SLC60A2: variants seen among roughly 807,000 people sequenced by gnomAD.
SLC60A2 encodes the protein major facilitator superfamily domain containing 4B.
the SLC60A2 span, among the ~76,000 whole-genome samples, chr6:111,272,564 T>C: frequency 2.0e-5 from 3 of 150,422 alleles, no homozygotes; most frequent in South Asian, 6.3e-4. Flanking sequence ...CAGGCTGCAG[T>C]GTAATGGCAC....
the SLC60A2 span, among the ~76,000 whole-genome samples, chr6:111,264,546 T>C: frequency 6.6e-6 from 1 of 152,144 alleles, no homozygotes; most frequent in East Asian, 1.9e-4. Context: ...TCCAGCACTT[T>C]GGGAGGCCGA....
At chr6:111,260,644 G>A in the SLC60A2 span, among the ~76,000 whole-genome samples, 3 of 152,302 alleles carry the variant, frequency 2.0e-5, no homozygotes, top group African/African-American at 7.2e-5. Flanking sequence ...TCCTGGGGGA[G>A]TTGAGAGGAT....
At chr6:111,262,203 T>C in the SLC60A2 span, 2 of 1,462,806 alleles carry the variant, frequency 1.4e-6, no homozygotes, top group Non-Finnish European at 1.9e-6. Context: ...TACCACATAG[T>C]TAGACATTAT....
chr6:111,266,383 T>C, the SLC60A2 span: 1 of 1,614,196 alleles, frequency 6.2e-7, no homozygotes, highest in South Asian at 1.1e-5. Flanking sequence ...AACTCCATCT[T>C]CTGGGGGACA....
the SLC60A2 span, among the ~76,000 whole-genome samples, chr6:111,263,315 C>T: frequency 3.9e-5 from 6 of 152,070 alleles, no homozygotes; most frequent in Non-Finnish European, 8.8e-5. Context: ...GTTTTGGAAG[C>T]AAGAATAATT....
At chr6:111,272,578 C>T in the SLC60A2 span, among the ~76,000 whole-genome samples, 135 of 144,830 alleles carry the variant, frequency 9.3e-4, no homozygotes, top group Non-Finnish European at 6.6e-4. Flanking sequence ...ATGGCACGAT[C>T]TCTGCTCACT....
the SLC60A2 span, among the ~76,000 whole-genome samples, chr6:111,259,917 T>TG: frequency 6.7e-6 from 1 of 149,822 alleles, no homozygotes; most frequent in Non-Finnish European, 1.5e-5. Context: ...CAAGCTTTTT[T>TG]TTTTTTTTTT....
chr6:111,263,598 T>C, the SLC60A2 span, among the ~76,000 whole-genome samples: 1 of 152,224 alleles, frequency 6.6e-6, no homozygotes, highest in African/African-American at 2.4e-5. Context: ...ATTTACAGTT[T>C]GATTACTAGC....
chr6:111,264,908 A>G, the SLC60A2 span, among the ~76,000 whole-genome samples: 14 of 152,214 alleles, frequency 9.2e-5, no homozygotes, highest in Admixed American at 6.5e-4. Flanking sequence ...AGCCTGACCA[A>G]TATGGAGAAA....
the SLC60A2 span, among the ~76,000 whole-genome samples, chr6:111,276,195 T>C: frequency 1.7e-4 from 26 of 152,390 alleles, no homozygotes; most frequent in African/African-American, 5.8e-4. Context: ...GTGTTGCTTC[T>C]ACATTTTGGC....
At chr6:111,266,418 A>G in the SLC60A2 span, 15 of 1,614,010 alleles carry the variant, frequency 9.3e-6, no homozygotes, top group East Asian at 2.7e-4. Context: ...GGGCCTGGCA[A>G]TCTTTTTTGC....
the SLC60A2 span, among the ~76,000 whole-genome samples, chr6:111,260,733 T>A: frequency 2.2e-3 from 330 of 152,286 alleles, 1 homozygote; most frequent in African/African-American, 7.5e-3. Context: ...AGTATTTTGA[T>A]TGGGGGCGGT....
the SLC60A2 span, chr6:111,267,137 C>G: frequency 6.4e-7 from 1 of 1,574,568 alleles, no homozygotes; most frequent in East Asian, 2.2e-5. Context: ...GGATTACTCA[C>G]TGACATCTTT....
the SLC60A2 span, chr6:111,268,981 T>C: frequency 1.3e-5 from 2 of 152,182 alleles, no homozygotes; most frequent in Non-Finnish European, 2.9e-5. Flanking sequence ...GAATAACATC[T>C]CCTTTCTACC....
At chr6:111,264,085 A>G in the SLC60A2 span, 4 of 533,412 alleles carry the variant, frequency 7.5e-6, no homozygotes, top group Non-Finnish European at 1.4e-5. Context: ...CTCAGAATGA[A>G]TCACCCTTCT....
the SLC60A2 span, among the ~76,000 whole-genome samples, chr6:111,259,911 C>CTTTT: frequency 6.3e-3 from 763 of 121,136 alleles, 25 homozygotes; most frequent in African/African-American, 0.022. Flanking sequence ...CTCCAGCAAG[C>CTTTT]TTTTTTTTTT....
the SLC60A2 span, chr6:111,262,464 A>G: frequency 6.4e-7 from 1 of 1,556,620 alleles, no homozygotes; most frequent in Non-Finnish European, 8.8e-7. Context: ...ATGACTGTCA[A>G]GTGAATTTAC....
the SLC60A2 span, chr6:111,263,716 C>A: frequency 1.7e-6 from 1 of 598,108 alleles, no homozygotes; most frequent in Non-Finnish European, 3.0e-6. Context: ...CTCTCATCTA[C>A]TCATTATCTA....
At chr6:111,276,298 T>C in the SLC60A2 span, among the ~76,000 whole-genome samples, 2 of 152,214 alleles carry the variant, frequency 1.3e-5, no homozygotes, top group South Asian at 4.1e-4. Flanking sequence ...ATAAGTGGAA[T>C]TGCTGGATCT....
Sources: allele counts gnomAD v4.1 joint callset (sites outside exome capture counted in the v4.1 genomes callset), GRCh38; gene constraint gnomAD v4.1.1; transcripts MANE v1.5; gene names NCBI Gene and HGNC (gene_info 2026-07-23, HGNC 2026-07-21).